The following MOK variants were observed in gnomAD, a reference collection of about 807,000 sequenced individuals.
MOK encodes MAPK/MAK/MRK overlapping kinase.
A neutral mutation model predicts 54.2 loss-of-function variants in MOK; 59 were observed. That is an observed-to-expected ratio of 1.09 (90% CI 0.88 to 1.35). MOK has a LOEUF of 1.35. MOK is among the 40% of genes most tolerant of loss of function. The pLI is 0.00. For missense variants in MOK, 517 were observed against 526.2 expected (o/e 0.98, Z 0.17); for synonymous variants, 210 against 202.7 (o/e 1.04, Z -0.31).
intron 2 of MOK, among the ~76,000 whole-genome samples, chr14:102,268,667 G>C (rs893732988): frequency 5.9e-5 from 9 of 152,080 alleles, no homozygotes; most frequent in Non-Finnish European, 1.3e-4. Context: ...TGTAATCCCA[G>C]CACTTTGGGA....
rs1005111492 is a variant in MOK at position 102,299,067 on chromosome 14, G to A, written c.7+5895C>T. On this transcript the variant is annotated intron_variant, in intron 1 of 11. Coordinates refer to ENST00000361847, the MANE Select transcript of MOK (RefSeq NM_014226.3). ...AAGAACTGTAACACTCACCGTGAGG[G>A]TCTGAGGTTTAGTTCTTGAAGTCAG... 7.9e-5 allele frequency among the ~76,000 whole-genome samples: 12 copies of A among 152,152 alleles called. No individual in the cohort carries two copies. The South Asian group carries it at 2.3e-3, about 29-fold the overall frequency.
In MOK at chr14:102,257,262, C is replaced by T. The variant is rs536770256; in HGVS notation, c.284-5267G>A. On this transcript the variant is annotated intron_variant, in intron 4 of 11. Transcript: ENST00000361847. The stretch of plus-strand genomic sequence containing the variant: ...AGAGGAGGGAAGGCATCTATTCTGA[C>T]GGCATGGATCACGGCTGCCTCCTGA... Among the ~76,000 whole-genome samples the T allele has an allele frequency of 1.4e-4, 21 of 152,148 alleles. No individual in the cohort carries two copies. The South Asian group carries it at 3.5e-3, about 26-fold the overall frequency.
At chr14:102,219,377 C>A in the MOK span, among the ~76,000 whole-genome samples, 1 of 152,218 alleles carries the variant, frequency 6.6e-6, no homozygotes. Context: ...GCGCCGAGGC[C>A]CCTTCCCTGC....
chr14:102,246,963 A>T (rs1453797880), intron 7 of MOK, among the ~76,000 whole-genome samples: 3 of 152,106 alleles, frequency 2.0e-5, no homozygotes, highest in African/African-American at 7.2e-5. Flanking sequence ...GGCTTCGTTT[A>T]TCTAGCCCCC....
At chr14:102,222,685 G>T, downstream of MOK, 7 of 778,080 alleles carry the variant, frequency 9.0e-6, no homozygotes, top group South Asian at 1.1e-4. This position sits in a 1 kb window ranked among gnomAD's most constrained non-coding sequence, Gnocchi z 4.4. Flanking sequence ...GAATTAAATA[G>T]ATGAAGTGGA....
chr14:102,250,777 C>T (rs1363812091), intron 7 of MOK, 35 bp downstream of exon 7: 8 of 1,600,126 alleles, frequency 5.0e-6, no homozygotes, highest in South Asian at 2.2e-5. Context: ...ACCGCTCCGC[C>T]GCAGGAACCA....
In MOK at chr14:102,279,335, C is replaced by T. The variant is rs575795514; in HGVS notation, c.122+4143G>A. Among the ~76,000 whole-genome samples, 781 of 152,112 alleles carry T rather than the reference C, an allele frequency of 5.1e-3. 7 individuals are homozygous for T. Among genetic ancestry groups the T allele is most frequent in the African/African-American group, 0.018 (751 of 41,472 alleles). On this transcript the variant is annotated intron_variant, in intron 2 of 11. Coordinates refer to ENST00000361847, the MANE Select transcript of MOK (RefSeq NM_014226.3). ...TTTGAGACAGGGTCTTGCTCTGTCA[C>T]CCAGGCTGGAGTGCAGTGGCACAAT...
In MOK at chr14:102,229,642, G is replaced by T; in HGVS notation, c.997C>A (p.Gln333Lys). ...CGTCTCTTGGGACGGTCCTCCTCTT[G>T]CTTTAGGGACTGTTTCTTGAAACAG... ...EGRKQKQSLKQEEDRPKRRGP... is the reference protein window; with the variant it reads ...EGRKQKQSLKKEEDRPKRRGP... Residue 333 changes from glutamine to lysine, a missense_variant, in exon 11 of 12, where the codon CAA becomes AAA. Coordinates refer to ENST00000361847, the MANE Select transcript of MOK (RefSeq NM_014226.3). The T allele has an allele frequency of 6.2e-7, 1 of 1,611,134 alleles. No individual in the cohort carries two copies. Among genetic ancestry groups the T allele is most frequent in the Non-Finnish European group, 8.5e-7 (1 of 1,178,110 alleles).
At chr14:102,242,597 A>T (rs1246110975) in intron 7 of MOK, among the ~76,000 whole-genome samples, 4 of 152,084 alleles carry the variant, frequency 2.6e-5, no homozygotes, top group Non-Finnish European at 5.9e-5. Flanking sequence ...ACTCAACGCC[A>T]ATATCCCATC....
intron 1 of MOK, among the ~76,000 whole-genome samples, chr14:102,294,252 CTGGCTAACA>C (rs1567244675): frequency 2.0e-5 from 3 of 152,048 alleles, no homozygotes; most frequent in African/African-American, 7.3e-5. Context: ...CAACACCATC[CTGGCTAACA>C]TGGTGAAACC....
chr14:102,278,855 A>G (rs1304805603), intron 2 of MOK, among the ~76,000 whole-genome samples: 1 of 152,240 alleles, frequency 6.6e-6, no homozygotes, highest in Non-Finnish European at 1.5e-5. Flanking sequence ...AATAGTCTTC[A>G]AGCTCTGCTA....
chr14:102,242,125 G>A lies in MOK; in HGVS notation c.591-8336C>T, dbSNP rs142962015. Among the ~76,000 whole-genome samples, 271 of 152,280 alleles carry A rather than the reference G, an allele frequency of 1.8e-3. 1 individual carries two copies. The highest frequency in any genetic ancestry group is 8.9e-3 in the East Asian group (46 of 5,188). On this transcript the variant is annotated intron_variant, in intron 7 of 11. Transcript: ENST00000361847. Reference sequence around the variant, plus strand: ...AAGACTAATGCTACCTGATTGCCTCGGAAGCCTCCTGGACCATCACAGACG... The same window carrying A: ...AAGACTAATGCTACCTGATTGCCTCAGAAGCCTCCTGGACCATCACAGACG...
At chr14:102,228,781 A>G (rs1264546376), downstream of MOK, 2 of 153,738 alleles carry the variant, frequency 1.3e-5, no homozygotes, top group African/African-American at 4.8e-5. Flanking sequence ...AAAAGCTAAA[A>G]TAAAGGAATG....
chr14:102,273,026 C>T (rs572411250), intron 2 of MOK, among the ~76,000 whole-genome samples: 18 of 152,064 alleles, frequency 1.2e-4, no homozygotes, highest in South Asian at 4.2e-4. Context: ...AAAAATTCGC[C>T]AGGCGTGGTG....
the MOK span, chr14:102,214,927 C>T: frequency 1.0e-6 from 1 of 984,784 alleles, no homozygotes; most frequent in Non-Finnish European, 1.2e-6. Context: ...AGACTTACTA[C>T]ATACTTGATA....
intron 4 of MOK, among the ~76,000 whole-genome samples, chr14:102,261,939 T>A (rs993076356): frequency 5.0e-5 from 7 of 138,784 alleles, no homozygotes; most frequent in African/African-American, 1.9e-4. Flanking sequence ...CACCTCCTGT[T>A]ACACCATTCT....
intron 1 of MOK, among the ~76,000 whole-genome samples, chr14:102,299,446 C>G (rs1024768515): frequency 1.5e-4 from 23 of 151,750 alleles, no homozygotes; most frequent in Admixed American, 2.6e-4. Context: ...ACCCTGGAGG[C>G]AGAGGTTGCA....
intron 1 of MOK, among the ~76,000 whole-genome samples, chr14:102,287,666 A>G (rs181003416): frequency 6.6e-6 from 1 of 152,318 alleles, no homozygotes; most frequent in East Asian, 1.9e-4. Flanking sequence ...AGTTAAAACT[A>G]TGATGAGATA....
intron 1 of MOK, among the ~76,000 whole-genome samples, chr14:102,299,485 A>G (rs921944438): frequency 6.6e-6 from 1 of 152,084 alleles, no homozygotes; most frequent in Non-Finnish European, 1.5e-5. Flanking sequence ...ACTGCACTCC[A>G]GCCTGGGCAA....
Sources: allele counts gnomAD v4.1 joint callset (sites outside exome capture counted in the v4.1 genomes callset), GRCh38; gene constraint gnomAD v4.1.1; non-coding constraint Gnocchi (gnomAD v3.1); transcripts MANE v1.5; gene names NCBI Gene and HGNC (gene_info 2026-07-23, HGNC 2026-07-21).